NUMA1: variants seen among roughly 807,000 people sequenced by gnomAD.
The protein encoded by NUMA1 is nuclear mitotic apparatus protein 1.
A neutral mutation model predicts 237.1 loss-of-function variants in NUMA1; 62 were observed. The ratio of observed to expected loss-of-function variants is 0.26; its 90% CI spans 0.21 to 0.32. The LOEUF (loss-of-function observed/expected upper bound fraction) is 0.32, where lower values mean the gene tolerates loss of function less well. NUMA1 is among the 10% of genes least tolerant of loss of function. The pLI, the probability that NUMA1 is intolerant of heterozygous loss-of-function variation, is 1.00. For missense variants in NUMA1, 2,533 were observed against 2,666.5 expected (o/e 0.95, Z 1.10); for synonymous variants, 1,028 against 1,066.1 (o/e 0.96, Z 0.70).
intron 5 of NUMA1, among the ~76,000 whole-genome samples, chr11:72,023,808 T>C (rs1028944150): frequency 6.6e-6 from 1 of 152,154 alleles, no homozygotes; most frequent in Non-Finnish European, 1.5e-5. Context: ...AGGGAACCTA[T>C]GTCCAGAAAG....
At chr11:72,023,407 T>G (rs1313047344) in intron 5 of NUMA1, among the ~76,000 whole-genome samples, 1 of 152,072 alleles carries the variant, frequency 6.6e-6, no homozygotes, top group South Asian at 2.1e-4. Flanking sequence ...GGTCATGATG[T>G]TGCACTCTCC....
rs1183057752 is a variant in NUMA1 at position 72,008,108 on chromosome 11, G to T, written c.5216+580C>A. ...TAAACCTACCTCAGAGGGTTGTTGG[G>T]GGACAAATCAGGTATAATTGTCATG... is the stretch of plus-strand genomic sequence containing the variant. On this transcript the variant is annotated intron_variant, in intron 20 of 26. Coordinates refer to ENST00000393695, the MANE Select transcript of NUMA1 (RefSeq NM_006185.4). 6.3e-6 allele frequency: 3 copies of T among 479,272 alleles called. No individual in the cohort carries two copies. The Admixed American group carries it at 7.0e-5, about 11-fold the overall frequency. The allele number at this position is 479,272 out of a possible 1,614,324, so 29.7% of individuals were successfully genotyped here. A position where few individuals can be genotyped will look rare whatever the true frequency, so the allele number is the denominator to read the frequency against.
chr11:72,065,142 A>C (rs550287582), intron 2 of NUMA1: 3 of 152,294 alleles, frequency 2.0e-5, no homozygotes, highest in African/African-American at 7.2e-5. Flanking sequence ...TTAATCTAGT[A>C]ATCTATTTGT....
intron 6 of NUMA1, 67 bp from the exon 7 acceptor site, chr11:72,022,486 C>A (rs371156016): frequency 1.8e-6 from 2 of 1,098,720 alleles, no homozygotes; most frequent in Non-Finnish European, 1.4e-6. Flanking sequence ...CCATTCTGGG[C>A]TGTTCTGGGG....
In NUMA1 at chr11:72,014,897, C is replaced by T. The variant is rs771731116; in HGVS notation, c.2606G>A (p.Arg869Gln). The T allele has an allele frequency of 3.7e-6, 6 of 1,614,110 alleles. No individual in the cohort carries two copies. The highest frequency in any genetic ancestry group is 2.2e-5 in the East Asian group (1 of 44,896). Reference sequence around the variant, plus strand: ...GAGCTCAGCTAGTTCGTTCTGCTGCCGGCTTATCTGGAGCTCGCTGTGGGA... The same window carrying T: ...GAGCTCAGCTAGTTCGTTCTGCTGCTGGCTTATCTGGAGCTCGCTGTGGGA... ...IESHSELQIS[R>Q]QQNELAELHA... The change falls in exon 15 of 27, where the codon CGG becomes CAG. Residue 869 changes from arginine (R) to glutamine (Q), a missense_variant. Physicochemically the swap from Arg to Gln is conservative, Grantham distance 43. Around this residue, in one of 3 missense-constraint regions of NUMA1, gnomAD observed 1,414 missense variants for 1,508.1 expected, o/e 0.94. Coordinates refer to ENST00000393695, the MANE Select transcript of NUMA1 (RefSeq NM_006185.4). This position sits in a 1 kb window ranked among gnomAD's most constrained non-coding sequence, Gnocchi z 4.6.
chr11:72,007,656 C>G (rs528566482), intron 20 of NUMA1: 1 of 602,718 alleles, frequency 1.7e-6, no homozygotes, highest in Admixed American at 3.1e-5. Context: ...GTGGCAATGC[C>G]CAGACCCAGA....
Position 72,014,320 on chromosome 11 carries a change from G to C in NUMA1, c.3183C>G (p.Gly1061=). The part of the protein sequence containing the change: ...ALAHALTEKE[G]KDQELAKLRG... ...GAAGCTTGGCCAACTCCTGGTCCTT[G>C]CCTTCCTTTTCCGTCAGGGCATGAG... The change falls in exon 15 of 27, where the codon GGC becomes GGG. Residue 1061 remains glycine (G), a synonymous_variant. Coordinates refer to ENST00000393695, the MANE Select transcript of NUMA1 (RefSeq NM_006185.4). The surrounding 1 kb of genome is among the most constrained non-coding windows in gnomAD (Gnocchi z 4.6). 6.2e-7 allele frequency: 1 copy of C among 1,613,858 alleles called. No homozygotes were observed. The highest frequency in any genetic ancestry group is 8.5e-7 in the Non-Finnish European group (1 of 1,180,046).
intron 1 of NUMA1, 34 bp downstream of exon 1, chr11:72,080,424 G>T (rs928338788): frequency 6.6e-6 from 1 of 152,194 alleles, no homozygotes; most frequent in African/African-American, 2.4e-5. Context: ...GGGGTGCCCA[G>T]GCCGCACGCC....
intron 21 of NUMA1, 74 bp from the exon 22 acceptor site, chr11:72,006,337 G>T: frequency 7.7e-7 from 1 of 1,302,596 alleles, no homozygotes; most frequent in Non-Finnish European, 1.1e-6. Flanking sequence ...CCCTTCCGAA[G>T]CCCTCAGATC....
intron 1 of NUMA1, among the ~76,000 whole-genome samples, chr11:72,077,792 C>A (rs1460569671): frequency 7.3e-5 from 8 of 109,486 alleles, no homozygotes; most frequent in Admixed American, 2.7e-4. Context: ...CCAGCCTGGG[C>A]AACAGAGTGA....
chr11:72,006,472 G>T (rs77660970), intron 21 of NUMA1, among the ~76,000 whole-genome samples: 6 of 152,162 alleles, frequency 3.9e-5, no homozygotes, highest in Non-Finnish European at 8.8e-5. Flanking sequence ...ACTCTTCTAC[G>T]CATTTTTTTC....
chr11:72,022,871 C>G (rs186204681), intron 6 of NUMA1, among the ~76,000 whole-genome samples, 194 bp downstream of exon 6: 1 of 152,052 alleles, frequency 6.6e-6, no homozygotes, highest in Non-Finnish European at 1.5e-5. Flanking sequence ...AGATCATGGG[C>G]TCCTAGAATC....
At chr11:72,004,411 T>A in intron 24 of NUMA1, 70 bp from the exon 25 acceptor site, 6 of 1,405,322 alleles carry the variant, frequency 4.3e-6, no homozygotes, top group Non-Finnish European at 6.0e-6. Context: ...TGTCTTGTCC[T>A]CTCAGAGCTG....
At chr11:72,049,294 A>G (rs73535671) in intron 2 of NUMA1, 64 of 152,108 alleles carry the variant, frequency 4.2e-4, no homozygotes, top group African/African-American at 1.5e-3. Context: ...GGTAGAAAAC[A>G]TAGTAGATCT....
chr11:72,026,144 T>A (rs1296524607), intron 4 of NUMA1, among the ~76,000 whole-genome samples: 1 of 152,184 alleles, frequency 6.6e-6, no homozygotes, highest in Non-Finnish European at 1.5e-5. Flanking sequence ...GAGCATACTT[T>A]GGACAACAGT....
intron 2 of NUMA1, among the ~76,000 whole-genome samples, chr11:72,036,393 T>G (rs1351306549): frequency 2.0e-5 from 3 of 152,242 alleles, no homozygotes; most frequent in African/African-American, 7.2e-5. Context: ...AGTCTTTTTC[T>G]TTATCTGCAA....
At chr11:72,026,493 A>G (rs1488912677) in intron 4 of NUMA1, among the ~76,000 whole-genome samples, 1 of 151,904 alleles carries the variant, frequency 6.6e-6, no homozygotes, top group Non-Finnish European at 1.5e-5. Flanking sequence ...CTTCACAGCT[A>G]TCAAACAGAC....
chr11:72,015,507 G>T lies in NUMA1; in HGVS notation c.1996C>A (p.Gln666Lys). 1 of 1,613,254 alleles carries T rather than the reference G, an allele frequency of 6.2e-7. No homozygotes were observed. The change falls in exon 15 of 27, where the codon CAG becomes AAG. Residue 666 changes from glutamine to lysine, a missense_variant. Physicochemically the swap from Gln to Lys is moderately conservative, Grantham distance 53. Coordinates refer to ENST00000393695, the MANE Select transcript of NUMA1 (RefSeq NM_006185.4). The surrounding 1 kb of genome is among the most constrained non-coding windows in gnomAD (Gnocchi z 4.0). The stretch of plus-strand genomic sequence containing the variant: ...GCAACCTGGGCCTGGGCCTCATGCT[G>T]TTCCTGGCGGGCTGTCTCAACACAG... ...QACVETARQE[Q>K]HEAQAQVAEL...
intron 17 of NUMA1, among the ~76,000 whole-genome samples, chr11:72,010,145 A>G (rs117322632): frequency 0.025 from 3,735 of 152,344 alleles, 85 homozygotes; most frequent in Non-Finnish European, 0.039. Flanking sequence ...GAAGGTGAGC[A>G]GGAGAAATGA....
Sources: allele counts gnomAD v4.1 joint callset (sites outside exome capture counted in the v4.1 genomes callset), GRCh38; gene constraint gnomAD v4.1.1; regional missense constraint gnomAD v4.1.1; non-coding constraint Gnocchi (gnomAD v3.1); transcripts MANE v1.5; gene names NCBI Gene and HGNC (gene_info 2026-07-23, HGNC 2026-07-21).